NOB1: variants seen among roughly 807,000 people sequenced by gnomAD.
NOB1 encodes the protein RNA-binding protein NOB1.
NOB1 carries 44 observed loss-of-function variants against 44.8 expected under a neutral mutation model. The ratio of observed to expected loss-of-function variants is 0.98; its 90% CI spans 0.77 to 1.26. The LOEUF is 1.26. Among genes scored for constraint, NOB1 ranks in the 50% most tolerant of loss-of-function variants. The pLI, the probability that NOB1 is intolerant of heterozygous loss-of-function variation, is 0.00. For synonymous variants in NOB1, 238 were observed against 218.7 expected, an observed-to-expected ratio of 1.09 and a Z score of -0.78; for missense variants, 560 against 544.8, an observed-to-expected ratio of 1.03 and a Z score of -0.28.
At chr16:69,743,326 T>C (rs1020655780) in intron 8 of NOB1, among the ~76,000 whole-genome samples, 1 of 152,198 alleles carries the variant, frequency 6.6e-6, no homozygotes, top group African/African-American at 2.4e-5. Flanking sequence ...ATCACTATAA[T>C]AACTGTTTCA....
intron 8 of NOB1, among the ~76,000 whole-genome samples, chr16:69,743,614 GGGAAAGGACATTCTACAAA>G (rs1232446912): frequency 6.6e-6 from 1 of 151,304 alleles, no homozygotes; most frequent in Non-Finnish European, 1.5e-5. Context: ...ACACACGCAA[GGGAAAGGACATTCTACAAA>G]GGAACGGACT....
At chr16:69,744,716 T>C (rs1352435909) in intron 8 of NOB1, among the ~76,000 whole-genome samples, 157 bp downstream of exon 8, 1 of 152,210 alleles carries the variant, frequency 6.6e-6, no homozygotes, top group Non-Finnish European at 1.5e-5. Context: ...TCTCATGAGA[T>C]GGCATCTGTC....
chr16:69,748,386 T>C, intron 6 of NOB1, 57 bp from the exon 7 acceptor site: 1 of 1,521,136 alleles, frequency 6.6e-7, no homozygotes, highest in Non-Finnish European at 9.1e-7. Flanking sequence ...ATTTTGTAAT[T>C]ACAGTTAAGG....
intron 7 of NOB1, among the ~76,000 whole-genome samples, chr16:69,746,021 T>C (rs1040224423): frequency 1.2e-4 from 19 of 152,242 alleles, no homozygotes; most frequent in African/African-American, 4.6e-4. Flanking sequence ...TTTACTATCA[T>C]GAGCCTGACG....
In NOB1 at chr16:69,742,280, G is replaced by C; in HGVS notation, c.*52C>G. 1 of 1,579,786 alleles carries C rather than the reference G, an allele frequency of 6.3e-7. No homozygotes were observed. On this transcript the variant is annotated 3_prime_UTR_variant, in exon 9 of 9. Transcript: ENST00000268802. Reference sequence around the variant, plus strand: ...ACACGGCTGGGGAAATGGGTCACCGGAACTCCACGGCGGCCAGACGCCCAT... The same window carrying C: ...ACACGGCTGGGGAAATGGGTCACCGCAACTCCACGGCGGCCAGACGCCCAT...
chr16:69,750,298 C>G (rs1169229115), intron 3 of NOB1, among the ~76,000 whole-genome samples: 1 of 151,842 alleles, frequency 6.6e-6, no homozygotes, highest in African/African-American at 2.4e-5. Flanking sequence ...AGCCACCGAG[C>G]CTGGCTGACA....
At chr16:69,752,411 A>C (rs750657516) in intron 2 of NOB1, 40 bp from the exon 3 acceptor site, 1 of 1,597,828 alleles carries the variant, frequency 6.3e-7, no homozygotes, top group Non-Finnish European at 8.6e-7. Flanking sequence ...AGAGGTAAAA[A>C]GCCATATGAC....
At position 69,748,899 on chromosome 16, in the gene NOB1, C is replaced by T; in HGVS notation, c.726+19G>A. On this transcript the variant is annotated intron_variant, in intron 6 of 8. Coordinates refer to ENST00000268802, the MANE Select transcript of NOB1 (RefSeq NM_014062.3). ...GCCGATGACGTGTGTGACACACGGC[C>T]CAGGCCCACCCTACCCACCTGCATG... 6.3e-7 allele frequency: 1 copy of T among 1,575,560 alleles called. No individual in the cohort carries two copies. The highest frequency in any genetic ancestry group is 8.6e-7 in the Non-Finnish European group (1 of 1,158,930).
intron 8 of NOB1, 101 bp downstream of exon 8, chr16:69,744,772 A>T (rs1284584149): frequency 7.3e-7 from 1 of 1,361,508 alleles, no homozygotes; most frequent in East Asian, 2.5e-5. Context: ...ACAGGCTTTC[A>T]ATCGCCCATC....
chr16:69,749,878 T>G (rs1478062311), intron 3 of NOB1, among the ~76,000 whole-genome samples: 2 of 150,662 alleles, frequency 1.3e-5, no homozygotes, highest in African/African-American at 4.9e-5. Context: ...CTCAGGAGGC[T>G]GAAGCAGGAG....
intron 7 of NOB1, among the ~76,000 whole-genome samples, chr16:69,747,286 G>A (rs1186997730): frequency 6.7e-6 from 1 of 148,172 alleles, no homozygotes; most frequent in Non-Finnish European, 1.5e-5. Context: ...GCCTGTAATC[G>A]CACCACTTTA....
chr16:69,752,231 C>T lies in NOB1; in HGVS notation c.327+10G>A, dbSNP rs1402760693. On this transcript the variant is annotated intron_variant, in intron 3 of 8. Transcript: ENST00000268802. ...TACAAAGCTTTTAAAAACCCATCCTCTTGATTTACCTTCTGTGGTTCTTGT... is the reference window on the plus strand; with the variant it reads ...TACAAAGCTTTTAAAAACCCATCCTTTTGATTTACCTTCTGTGGTTCTTGT... The T allele has an allele frequency of 1.9e-6, 3 of 1,608,840 alleles. No individual in the cohort carries two copies. The highest frequency in any genetic ancestry group is 1.7e-6 in the Non-Finnish European group (2 of 1,176,984).
At chr16:69,752,134 G>C (rs575070038) in intron 3 of NOB1, 107 bp downstream of exon 3, 3 of 970,428 alleles carry the variant, frequency 3.1e-6, no homozygotes, top group Non-Finnish European at 3.2e-6. Flanking sequence ...GATAATTGGA[G>C]GGGGGGATGA....
At chr16:69,748,729 A>G in intron 6 of NOB1, 189 bp downstream of exon 6, 1 of 592,228 alleles carries the variant, frequency 1.7e-6, no homozygotes, top group South Asian at 2.2e-5. Context: ...AATGTACTAT[A>G]CAAATGTTGT....
Position 69,742,260 on chromosome 16 carries a change from G to A in NOB1, c.*72C>T, listed in dbSNP as rs1285921271. ...ATCGGGTGGTCCTGGAGACGACACG[G>A]CTGGGGAAATGGGTCACCGGAACTC... On this transcript the variant is annotated 3_prime_UTR_variant, in exon 9 of 9. Transcript: ENST00000268802. 22 of 1,556,960 alleles carry A rather than the reference G, an allele frequency of 1.4e-5. No homozygotes were observed. The highest frequency in any genetic ancestry group is 5.4e-5 in the African/African-American group (4 of 73,612).
intron 7 of NOB1, among the ~76,000 whole-genome samples, chr16:69,747,481 G>GA (rs2038443210): frequency 6.6e-6 from 1 of 152,146 alleles, no homozygotes; most frequent in Non-Finnish European, 1.5e-5. Context: ...TTTGTAAACA[G>GA]AAAATCTCTC....
At position 69,750,294 on chromosome 16, in the gene NOB1, C is replaced by T. The variant is rs148063140; in HGVS notation, c.328-664G>A. On this transcript the variant is annotated intron_variant, in intron 3 of 8. Coordinates refer to ENST00000268802, the MANE Select transcript of NOB1 (RefSeq NM_014062.3). ...CGCTGGGATTACACACAGGAGCCAC[C>T]GAGCCTGGCTGACATCCAGTGTTTT... Among the ~76,000 whole-genome samples the T allele has an allele frequency of 8.8e-3, 1,341 of 151,844 alleles. 18 individuals carry two copies. Among genetic ancestry groups the T allele is most frequent in the African/African-American group, 0.031 (1,275 of 41,404 alleles).
At chr16:69,747,832 G>GTAGGGTTCTCTT (rs1044541096) in intron 7 of NOB1, among the ~76,000 whole-genome samples, 15 of 152,136 alleles carry the variant, frequency 9.9e-5, no homozygotes, top group Admixed American at 5.2e-4. Context: ...CACACATAAT[G>GTAGGGTTCTCTT]TAGGGTTCTC....
In NOB1 at chr16:69,744,980, A is replaced by T. The variant is rs144374127; in HGVS notation, c.862T>A (p.Cys288Ser). ...ACTTTCTTCAGGGTCTTGTTCCCACAGTGTGAGCAGAACACTCGGCTCATG... is the reference window on the plus strand; with the variant it reads ...ACTTTCTTCAGGGTCTTGTTCCCACTGTGTGAGCAGAACACTCGGCTCATG... ...SDMSRVFCSH[C>S]GNKTLKKVSV... The change falls in exon 8 of 9, where the codon TGT becomes AGT. Residue 288 changes from cysteine (C) to serine (S), a missense_variant. Coordinates refer to ENST00000268802, the MANE Select transcript of NOB1 (RefSeq NM_014062.3). The T allele has an allele frequency of 1.4e-4, 221 of 1,614,010 alleles. No individual in the cohort carries two copies. Among genetic ancestry groups the T allele is most frequent in the Non-Finnish European group, 1.6e-4 (192 of 1,180,016 alleles).
Sources: gnomAD v4.1 joint callset for allele counts (sites outside exome capture counted in the v4.1 genomes callset) on GRCh38, gnomAD v4.1.1 for gene constraint, MANE v1.5 for transcripts, NCBI Gene and HGNC (gene_info 2026-07-23, HGNC 2026-07-21) for gene names.